Variants in NALCN observed in about 807,000 individuals in gnomAD.
The protein encoded by NALCN is sodium leak channel NALCN.
NALCN carries 111 observed loss-of-function variants against 225.3 expected under a neutral mutation model. The observed-to-expected ratio is 0.49, with a 90% CI of 0.42 to 0.58. NALCN has a LOEUF of 0.58. Ranked by LOEUF, NALCN falls within the 20% of genes least tolerant of loss-of-function variation. NALCN has a pLI of 0.00. For synonymous variants in NALCN, 764 were observed against 769.0 expected, an observed-to-expected ratio of 0.99 and a Z score of 0.11; for missense variants, 1,378 against 2,202.4, an observed-to-expected ratio of 0.63 and a Z score of 7.49.
At chr13:101,072,046 C>T (rs895599874) in intron 37 of NALCN, among the ~76,000 whole-genome samples, 1 of 152,114 alleles carries the variant, frequency 6.6e-6, no homozygotes, top group South Asian at 2.1e-4. Context: ...CAATTAAATT[C>T]TCCATCTTAT....
At position 101,144,837 on chromosome 13, in the gene NALCN, G is replaced by T. The variant is rs778242688; in HGVS notation, c.1899C>A (p.Ile633=). 1.9e-6 allele frequency: 3 copies of T among 1,613,514 alleles called. No homozygotes were observed. Among genetic ancestry groups the T allele is most frequent in the Non-Finnish European group, 2.5e-6 (3 of 1,179,774 alleles). ...TKEKLPLRLR[I]FEKFPNRPQM... is the part of the protein sequence containing the mutation. ...GAGGTCTGTTTGGAAATTTTTCAAA[G>T]ATTCGCAGGCGTAAAGGGAGCTTTT... The change falls in exon 16 of 44, where the codon ATC becomes ATA. Residue 633 remains isoleucine, a synonymous_variant. Transcript: ENST00000251127.
intron 26 of NALCN, among the ~76,000 whole-genome samples, chr13:101,102,052 G>A (rs1248243058): frequency 2.0e-5 from 3 of 152,162 alleles, no homozygotes; most frequent in Non-Finnish European, 4.4e-5. Flanking sequence ...GGAGGCTGAG[G>A]TGGGTGGATC....
chr13:101,118,528 T>C (rs182926219), intron 18 of NALCN, among the ~76,000 whole-genome samples: 2 of 152,332 alleles, frequency 1.3e-5, no homozygotes, highest in African/African-American at 4.8e-5. Flanking sequence ...CTTGTCTCCT[T>C]AGTTTATGGT....
chr13:101,249,624 T>A lies in NALCN; in HGVS notation c.1266+8819A>T, dbSNP rs1427392940. On this transcript the variant is annotated intron_variant, in intron 11 of 43. Coordinates refer to ENST00000251127, the MANE Select transcript of NALCN (RefSeq NM_052867.4). ...AGTATCAAAATATCTATTATTCTAATATACTGCACTAAGAAATTAAAAAGG... is the reference window on the plus strand; with the variant it reads ...AGTATCAAAATATCTATTATTCTAAAATACTGCACTAAGAAATTAAAAAGG... 2.0e-5 allele frequency among the ~76,000 whole-genome samples: 3 copies of A among 152,158 alleles called. No individual in the cohort carries two copies. The East Asian group carries it at 5.8e-4, about 29-fold the overall frequency.
At chr13:101,269,915 C>T (rs1193004678) in intron 10 of NALCN, among the ~76,000 whole-genome samples, 1 of 152,142 alleles carries the variant, frequency 6.6e-6, no homozygotes, top group Non-Finnish European at 1.5e-5. Context: ...GTTGACCTTG[C>T]TTACTTGGCT....
At chr13:101,110,858 T>C (rs2035390483) in intron 19 of NALCN, among the ~76,000 whole-genome samples, 170 bp from the exon 20 acceptor site, 1 of 152,240 alleles carries the variant, frequency 6.6e-6, no homozygotes, top group Non-Finnish European at 1.5e-5. Flanking sequence ...TTTGATCCCA[T>C]CTAACAAAAT....
At chr13:101,059,674 CTTT>C (rs35627368) in intron 42 of NALCN, 141 bp downstream of exon 42, 6 of 607,916 alleles carry the variant, frequency 9.9e-6, no homozygotes, top group Admixed American at 3.5e-5. Flanking sequence ...TTTCCGTTGC[CTTT>C]TTTTTTTTTA....
chr13:101,264,142 T>C (rs917255025), intron 10 of NALCN, among the ~76,000 whole-genome samples: 4 of 152,184 alleles, frequency 2.6e-5, no homozygotes, highest in Non-Finnish European at 5.9e-5. Context: ...TCTACCTATC[T>C]ATGTAGACAG....
At chr13:101,103,951 T>A (rs996470939) in intron 25 of NALCN, among the ~76,000 whole-genome samples, 3 of 152,182 alleles carry the variant, frequency 2.0e-5, no homozygotes, top group Admixed American at 6.5e-5. Flanking sequence ...ACATGGTTTA[T>A]ATGAGGCAAA....
At position 101,104,868 on chromosome 13, in the gene NALCN, T is replaced by C. The variant is rs766810912; in HGVS notation, c.2636+26A>G. On this transcript the variant is annotated intron_variant, in intron 23 of 43. Transcript: ENST00000251127. The surrounding 1 kb of genome is among the most constrained non-coding windows in gnomAD (Gnocchi z 4.2). ...AGTACATGAAAACTTTAAATGTGCATGGAAAATGAAGTTGGTGATGCTTAC... is the reference window on the plus strand; with the variant it reads ...AGTACATGAAAACTTTAAATGTGCACGGAAAATGAAGTTGGTGATGCTTAC... The C allele has an allele frequency of 5.0e-6, 8 of 1,612,070 alleles. No homozygotes were observed. The South Asian group carries it at 7.7e-5, about 16-fold the overall frequency.
At chr13:101,316,914 T>C (rs1594664251) in intron 7 of NALCN, among the ~76,000 whole-genome samples, 1 of 152,234 alleles carries the variant, frequency 6.6e-6, no homozygotes, top group Non-Finnish European at 1.5e-5. Flanking sequence ...CTAAATATAA[T>C]GTATTTGATG....
chr13:101,241,427 T>A (rs2041754582), intron 11 of NALCN, among the ~76,000 whole-genome samples: 1 of 152,004 alleles, frequency 6.6e-6, no homozygotes, highest in Non-Finnish European at 1.5e-5. Flanking sequence ...TCAGTACAGA[T>A]AACATGATAA....
At chr13:101,066,146 T>G (rs2032369206) in intron 39 of NALCN, among the ~76,000 whole-genome samples, 1 of 151,958 alleles carries the variant, frequency 6.6e-6, no homozygotes, top group Non-Finnish European at 1.5e-5. Context: ...GCCAGCATGA[T>G]GAAGCCCAGT....
At chr13:101,261,861 G>C (rs1031510021) in intron 10 of NALCN, among the ~76,000 whole-genome samples, 1 of 152,086 alleles carries the variant, frequency 6.6e-6, no homozygotes, top group Admixed American at 6.6e-5. Flanking sequence ...TATTTTTCTA[G>C]CTGGGACTTC....
intron 30 of NALCN, among the ~76,000 whole-genome samples, chr13:101,087,372 C>T (rs1454357557): frequency 6.6e-6 from 1 of 151,810 alleles, no homozygotes; most frequent in Non-Finnish European, 1.5e-5. Flanking sequence ...TCACTAGGTC[C>T]TCAGTGTCAA....
In NALCN at chr13:101,108,926, C is replaced by T. The variant is rs572937785; in HGVS notation, c.2365-1137G>A. Reference sequence around the variant, plus strand: ...AATTTATTGGAAATGATCAGAACCCCATGGCATTTTGCTATGGAGAAGGTG... The same window carrying T: ...AATTTATTGGAAATGATCAGAACCCTATGGCATTTTGCTATGGAGAAGGTG... On this transcript the variant is annotated intron_variant, in intron 20 of 43. Coordinates refer to ENST00000251127, the MANE Select transcript of NALCN (RefSeq NM_052867.4). Among the ~76,000 whole-genome samples, 4 of 152,282 alleles carry T rather than the reference C, an allele frequency of 2.6e-5. No individual in the cohort carries two copies. In the South Asian group the frequency reaches 8.3e-4, roughly 32 times the overall value.
intron 14 of NALCN, among the ~76,000 whole-genome samples, chr13:101,183,120 A>T (rs2039306941): frequency 6.6e-6 from 1 of 152,188 alleles, no homozygotes; most frequent in African/African-American, 2.4e-5. Context: ...GTTCTCATTT[A>T]TTCTGTTTTT....
At position 101,307,138 on chromosome 13, in the gene NALCN, G is replaced by A. The variant is rs576980475; in HGVS notation, c.800-14772C>T. Among the ~76,000 whole-genome samples the A allele has an allele frequency of 6.0e-4, 91 of 152,252 alleles. 4 individuals carry two copies. The South Asian group carries it at 0.018, about 30-fold the overall frequency. Reference sequence around the variant, plus strand: ...GCTTCATTTTCCTGCTACTATTATGGAGATCCTTGGGTGCTTAGCCCCTCT... The same window carrying A: ...GCTTCATTTTCCTGCTACTATTATGAAGATCCTTGGGTGCTTAGCCCCTCT... On this transcript the variant is annotated intron_variant, in intron 7 of 43. Transcript: ENST00000251127.
At chr13:101,276,131 A>G (rs2042966392) in intron 10 of NALCN, among the ~76,000 whole-genome samples, 2 of 150,612 alleles carry the variant, frequency 1.3e-5, no homozygotes, top group African/African-American at 4.9e-5. Context: ...CAAGCACATC[A>G]GCAATGCACA....
Sources: gnomAD v4.1 joint callset for allele counts (sites outside exome capture counted in the v4.1 genomes callset) on GRCh38, gnomAD v4.1.1 for gene constraint, Gnocchi (gnomAD v3.1) non-coding constraint, MANE v1.5 for transcripts, NCBI Gene and HGNC (gene_info 2026-07-23, HGNC 2026-07-21) for gene names.